WDR83: variants seen among roughly 807,000 people sequenced by gnomAD.
WDR83 encodes WD repeat domain 83.
In WDR83, 37 loss-of-function variants were observed where a neutral mutation model predicts 37.7. The ratio of observed to expected loss-of-function variants is 0.98; its 90% CI spans 0.76 to 1.29. The LOEUF is 1.29. Ranked by LOEUF, WDR83 falls within the 50% of genes most tolerant of loss-of-function variation. WDR83 has a pLI of 0.00. For missense variants in WDR83, 445 were observed against 414.4 expected (o/e 1.07, Z -0.64); for synonymous variants, 174 against 181.1 (o/e 0.96, Z 0.31).
At chr19:12,670,849 C>A (rs748189691) in intron 7 of WDR83, 28 bp downstream of exon 7, 4 of 1,603,592 alleles carry the variant, frequency 2.5e-6, no homozygotes, top group South Asian at 1.1e-5. Flanking sequence ...CTGGTCTCAC[C>A]CCAGGTGCTA....
chr19:12,670,162 C>T lies in WDR83; in HGVS notation c.225-18C>T, dbSNP rs761537228. 6 of 1,611,962 alleles carry T rather than the reference C, an allele frequency of 3.7e-6. No individual in the cohort carries two copies. The South Asian group carries it at 4.4e-5, about 12-fold the overall frequency. On this transcript the variant is annotated intron_variant, in intron 4 of 10. Coordinates refer to ENST00000418543, the MANE Select transcript of WDR83 (RefSeq NM_001099737.3). ...GGGATCCGAGGTCGATGCTGATCCT[C>T]CTCCTCCTTTACTCCAGCTCCTTTG...
chr19:12,667,470 T>C (rs184729682), intron 1 of WDR83, among the ~76,000 whole-genome samples: 433 of 152,116 alleles, frequency 2.8e-3, no homozygotes, highest in Non-Finnish European at 4.2e-3. Context: ...AACACAAAAT[T>C]TGTAATTTTA....
chr19:12,667,905 A>T (rs2024300107), intron 1 of WDR83, among the ~76,000 whole-genome samples: 1 of 152,162 alleles, frequency 6.6e-6, no homozygotes, highest in African/African-American at 2.4e-5. Context: ...GCCAGAGGGC[A>T]GAAGTCACTG....
intron 7 of WDR83, chr19:12,671,504 T>C (rs1192360809): frequency 6.6e-6 from 1 of 151,378 alleles, no homozygotes; most frequent in Non-Finnish European, 1.5e-5. Context: ...TACAAAAAAT[T>C]AGCCGGGCAT....
Position 12,666,977 on chromosome 19 carries a change from A to T in WDR83, c.-172A>T. 3.7e-6 allele frequency: 2 copies of T among 538,540 alleles called. No individual in the cohort carries two copies. Among genetic ancestry groups the T allele is most frequent in the South Asian group, 4.6e-5 (2 of 43,760 alleles). 33.4% of individuals were successfully genotyped at this position (538,540 alleles called of 1,614,324 possible). On this transcript the variant is annotated 5_prime_UTR_variant, in exon 1 of 11. It removes an upstream start codon present in the reference 5' UTR. Transcript: ENST00000418543. ...CTTAATGCCGGAATTCCAAGACGGA[A>T]TGCCTCTTAATGCCGGTAGGAGCAG...
In WDR83 at chr19:12,673,315, A is replaced by T; in HGVS notation, c.797A>T (p.Glu266Val). ...AAGGTGTTCTTCTGGGACCTGGTGGAGGTGAGGTGCCCCCAGCCCTACTTC... is the reference window on the plus strand; with the variant it reads ...AAGGTGTTCTTCTGGGACCTGGTGGTGGTGAGGTGCCCCCAGCCCTACTTC... Reference protein sequence around the residue: ...DGKVFFWDLVEGALALALPVG... With the variant: ...DGKVFFWDLVVGALALALPVG... The change falls in exon 10 of 11, where the codon GAG becomes GTG. Residue 266 changes from glutamate (E) to valine (V), a missense_variant and splice_region_variant. Transcript: ENST00000418543. 1.3e-6 allele frequency: 2 copies of T among 1,517,864 alleles called. No homozygotes were observed. Among genetic ancestry groups the T allele is most frequent in the Non-Finnish European group, 1.8e-6 (2 of 1,118,230 alleles). 94.0% of individuals were successfully genotyped at this position (1,517,864 alleles called of 1,614,324 possible).
intron 2 of WDR83, chr19:12,669,504 A>G (rs2024348239): frequency 1.4e-6 from 2 of 1,409,520 alleles, no homozygotes; most frequent in Non-Finnish European, 9.8e-7. Context: ...AGGCCCTCGC[A>G]TTTCCGTTCC....
intron 2 of WDR83, chr19:12,669,004 C>G (rs2024332503): frequency 1.0e-5 from 10 of 975,286 alleles, no homozygotes; most frequent in Non-Finnish European, 1.4e-5. Flanking sequence ...ATCGCAGCCC[C>G]ACTCCCGGCC....
At chr19:12,670,635 G>C (rs771547741) in intron 6 of WDR83, 24 bp downstream of exon 6, 7 of 1,614,084 alleles carry the variant, frequency 4.3e-6, no homozygotes, top group Middle Eastern at 1.6e-4. Flanking sequence ...CTAAGCACGG[G>C]GGCCCAGGGT....
chr19:12,673,696 G>GT (rs760415299), intron 10 of WDR83, among the ~76,000 whole-genome samples: 1 of 151,752 alleles, frequency 6.6e-6, no homozygotes, highest in Non-Finnish European at 1.5e-5. Context: ...GATTACAGGC[G>GT]TAAGCCACCA....
At position 12,667,034 on chromosome 19, in the gene WDR83, T is replaced by C. The variant is rs184781327; in HGVS notation, c.-157+42T>C. On this transcript the variant is annotated intron_variant, in intron 1 of 10. Coordinates refer to ENST00000418543, the MANE Select transcript of WDR83 (RefSeq NM_001099737.3). ...TTTTCCTAAGGGGGCCGGGTTTTCCTAGCCGGTGTAGTGTGTCCATGGGAA... is the reference window on the plus strand; with the variant it reads ...TTTTCCTAAGGGGGCCGGGTTTTCCCAGCCGGTGTAGTGTGTCCATGGGAA... The C allele has an allele frequency of 3.4e-3, 1,344 of 395,072 alleles. 20 individuals carry two copies. The highest frequency in any genetic ancestry group is 0.026 in the African/African-American group (1,249 of 47,158). The allele number at this position is 395,072 out of a possible 1,614,324, so 24.5% of individuals were successfully genotyped here.
chr19:12,673,008 GCCC>G lies in WDR83; in HGVS notation c.577_579del (p.Pro193del), dbSNP rs2024469071. ...CTCACCTACCCACCCTTCCCCCAAG[GCCC>G]CATCACCTGCACCTGCTTCAGCCGG... On this transcript the variant is annotated inframe_deletion and splice_region_variant, in exon 9 of 11. Transcript: ENST00000418543. 4 of 1,612,466 alleles carry G rather than the reference GCCC, an allele frequency of 2.5e-6. No individual in the cohort carries two copies. Among genetic ancestry groups the G allele is most frequent in the Non-Finnish European group, 3.4e-6 (4 of 1,179,152 alleles).
Position 12,669,977 on chromosome 19 carries a change from T to A in WDR83, c.104T>A (p.Val35Glu). 1 of 1,609,372 alleles carries A rather than the reference T, an allele frequency of 6.2e-7. No individual in the cohort carries two copies. Among genetic ancestry groups the A allele is most frequent in the Non-Finnish European group, 8.5e-7 (1 of 1,176,268 alleles). Residue 35 changes from valine (V) to glutamate (E), a missense_variant and splice_region_variant, in exon 4 of 11, where the codon GTG (valine) becomes GAG (glutamate). Physicochemically the swap from Val to Glu is moderately radical, Grantham distance 121. Transcript: ENST00000418543. Reference sequence around the variant, plus strand: ...GTAACCCCCGCCTGGTGTTCCCCAGTGGATGGCAATTACTGCCTGACGTGC... The same window carrying A: ...GTAACCCCCGCCTGGTGTTCCCCAGAGGATGGCAATTACTGCCTGACGTGC... Reference protein sequence around the residue: ...QGAVRAVRFNVDGNYCLTCGS... With the variant: ...QGAVRAVRFNEDGNYCLTCGS...
rs150648926 is a variant in WDR83 at position 12,673,046 on chromosome 19, T to G, written c.613T>G (p.Cys205Gly). The change falls in exon 9 of 11, where the codon TGC becomes GGC. Residue 205 changes from cysteine to glycine, a missense_variant. Transcript: ENST00000418543. ...TCTCFSRDGQ[C>G]TLVSSLDSTL... is the part of the protein sequence containing the mutation. ...CACCTGCTTCAGCCGGGATGGGCAGTGCACCCTGGTGTCCAGCCTGGACTC... is the reference window on the plus strand; with the variant it reads ...CACCTGCTTCAGCCGGGATGGGCAGGGCACCCTGGTGTCCAGCCTGGACTC... 39 of 1,613,570 alleles carry G rather than the reference T, an allele frequency of 2.4e-5. No homozygotes were observed. The highest frequency in any genetic ancestry group is 1.8e-4 in the Admixed American group (11 of 59,988).
rs761365822 is a variant in WDR83 at position 12,670,110 on chromosome 19, C to T, written c.224+13C>T. The T allele has an allele frequency of 6.2e-6, 10 of 1,608,722 alleles. No homozygotes were observed. The Admixed American group carries it at 1.5e-4, about 24-fold the overall frequency. ...TGGATGCGGCCGGGTGAGCCGGGGA[C>T]CAGGCTGGGATGGGAGCGCTGAGGC... On this transcript the variant is annotated intron_variant, in intron 4 of 10. Transcript: ENST00000418543.
intron 1 of WDR83, 121 bp downstream of exon 1, chr19:12,667,113 C>T: frequency 4.1e-6 from 1 of 244,220 alleles, no homozygotes; most frequent in Non-Finnish European, 8.1e-6. Flanking sequence ...AAGGACCTAG[C>T]TTGCCTAAGA....
In WDR83 at chr19:12,673,257, GAC is replaced by G. The variant is rs756469373; in HGVS notation, c.745_746del (p.His249CysfsTer6). 1.2e-6 allele frequency: 2 copies of G among 1,613,936 alleles called. No individual in the cohort carries two copies. The highest frequency in any genetic ancestry group is 1.3e-5 in the African/African-American group (1 of 74,888). On this transcript the variant is annotated frameshift_variant, in exon 10 of 11. Coordinates refer to ENST00000418543, the MANE Select transcript of WDR83 (RefSeq NM_001099737.3). LOFTEE classifies it high-confidence loss of function. ...YKLDCCLSER[D>X]THVVSCSEDG... The stretch of plus-strand genomic sequence containing the variant: ...GCTGGACTGCTGCCTGAGCGAGCGT[GAC>G]ACACATGTGGTCAGCTGTTCTGAGG...
chr19:12,672,784 C>T (rs1295567553), intron 7 of WDR83, 63 bp from the exon 8 acceptor site: 4 of 1,522,258 alleles, frequency 2.6e-6, no homozygotes, highest in Non-Finnish European at 3.6e-6. Context: ...TGGGAAGGCA[C>T]AGGGCTGCCT....
chr19:12,669,540 T>C (rs971178024), intron 2 of WDR83: 11 of 1,112,448 alleles, frequency 9.9e-6, no homozygotes, highest in South Asian at 2.9e-5. Context: ...GGACTCCCCT[T>C]ACCCAGAGAA....
Sources: gnomAD v4.1 joint callset for allele counts (sites outside exome capture counted in the v4.1 genomes callset) on GRCh38, gnomAD v4.1.1 for gene constraint, MANE v1.5 for transcripts, NCBI Gene and HGNC (gene_info 2026-07-23, HGNC 2026-07-21) for gene names.